NRG1: variants seen among roughly 807,000 people sequenced by gnomAD.
The protein encoded by NRG1 is pro-neuregulin-1, membrane-bound isoform.
NRG1 carries 18 observed loss-of-function variants against 63.8 expected under a neutral mutation model. That is an observed-to-expected ratio of 0.28 (90% CI 0.19 to 0.42). NRG1 has a LOEUF of 0.42. NRG1 is among the 10% of genes least tolerant of loss of function. NRG1 has a pLI of 1.00. For synonymous variants in NRG1, 302 were observed against 301.3 expected (o/e 1.00, Z -0.02); for missense variants, 762 against 814.7 (o/e 0.94, Z 0.79).
intron 1 of NRG1, among the ~76,000 whole-genome samples, chr8:31,723,484 T>C (rs1226722252): frequency 1.3e-5 from 2 of 152,136 alleles, no homozygotes; most frequent in Non-Finnish European, 2.9e-5. Flanking sequence ...AGTCTTATTA[T>C]GTTGTCCAGG....
At chr8:32,419,980 C>G (rs1410644832) in intron 1 of NRG1, among the ~76,000 whole-genome samples, 1 of 152,174 alleles carries the variant, frequency 6.6e-6, no homozygotes, top group Non-Finnish European at 1.5e-5. Flanking sequence ...AAAAACACAG[C>G]CGGGATGGCT....
At chr8:32,178,282 T>G (rs10097619) in intron 1 of NRG1, among the ~76,000 whole-genome samples, 5,581 of 152,148 alleles carry the variant, frequency 0.037, 187 homozygotes, top group African/African-American at 0.085. Context: ...ATTCTGAAGG[T>G]CAAGGACAAC....
chr8:32,417,247 A>T (rs1304544208), intron 1 of NRG1, among the ~76,000 whole-genome samples: 3 of 152,176 alleles, frequency 2.0e-5, no homozygotes, highest in Non-Finnish European at 2.9e-5. Flanking sequence ...ACTAGTATCA[A>T]CTGCCATACA....
In NRG1 at chr8:31,709,089, G is replaced by A. The variant is rs1811467905; in HGVS notation, c.37+69658G>A. On this transcript the variant is annotated intron_variant, in intron 1 of 10. Transcript: ENST00000519301. ...TATGTATATTTATTTTTTAAAATCT[G>A]CATAAAAGTGGATTTTTGGAGTTCA... is the stretch of plus-strand genomic sequence containing the variant. Among the ~76,000 whole-genome samples the A allele has an allele frequency of 2.0e-5, 3 of 151,290 alleles. No individual in the cohort carries two copies. The South Asian group carries it at 6.3e-4, about 32-fold the overall frequency.
chr8:31,873,303 G>GT (rs1291262052), intron 1 of NRG1, among the ~76,000 whole-genome samples: 3 of 152,184 alleles, frequency 2.0e-5, no homozygotes, highest in African/African-American at 4.8e-5. Context: ...GCTCATGCCT[G>GT]TAATTGTAGC....
At chr8:31,946,424 G>T (rs1429169157) in intron 1 of NRG1, among the ~76,000 whole-genome samples, 1 of 152,162 alleles carries the variant, frequency 6.6e-6, no homozygotes, top group African/African-American at 2.4e-5. Flanking sequence ...CCTGCAAGGC[G>T]CTAACAGTGA....
intron 1 of NRG1, among the ~76,000 whole-genome samples, chr8:31,731,502 A>G (rs192606326): frequency 2.0e-5 from 3 of 152,218 alleles, no homozygotes; most frequent in African/African-American, 7.2e-5. Flanking sequence ...ATGGAGAGAT[A>G]TAAGTATACA....
At chr8:32,089,662 T>C (rs530421485) in intron 1 of NRG1, among the ~76,000 whole-genome samples, 2 of 152,244 alleles carry the variant, frequency 1.3e-5, no homozygotes, top group Admixed American at 6.5e-5. Context: ...TGCAATGATA[T>C]AGAAGGAAGA....
chr8:31,884,733 G>A (rs1273349349), intron 1 of NRG1, among the ~76,000 whole-genome samples: 1 of 152,108 alleles, frequency 6.6e-6, no homozygotes, highest in Non-Finnish European at 1.5e-5. Flanking sequence ...CTTATGGAAT[G>A]TATGGATCAA....
intron 1 of NRG1, among the ~76,000 whole-genome samples, chr8:31,972,394 T>C (rs1807441219): frequency 6.6e-6 from 1 of 152,192 alleles, no homozygotes; most frequent in South Asian, 2.1e-4. Context: ...TTTATCTCCA[T>C]ATGTCGACAG....
intron 1 of NRG1, among the ~76,000 whole-genome samples, chr8:32,432,414 G>T (rs1161022265): frequency 3.9e-5 from 6 of 152,078 alleles, no homozygotes; most frequent in African/African-American, 1.4e-4. Context: ...TAAAAAATTT[G>T]CCCAAGACCA....
At chr8:32,033,700 C>T (rs188595638) in intron 1 of NRG1, among the ~76,000 whole-genome samples, 58 of 152,126 alleles carry the variant, frequency 3.8e-4, no homozygotes, top group African/African-American at 9.6e-4. Context: ...ATTTTATTAT[C>T]TTTATAGCAA....
chr8:31,922,478 G>A (rs79141878), intron 1 of NRG1, among the ~76,000 whole-genome samples: 214 of 152,076 alleles, frequency 1.4e-3, no homozygotes, highest in African/African-American at 4.8e-3. Flanking sequence ...CCTTTATCTC[G>A]CCATTAGCAG....
intron 1 of NRG1, among the ~76,000 whole-genome samples, chr8:31,837,109 T>C (rs190898006): frequency 4.6e-5 from 7 of 152,168 alleles, no homozygotes; most frequent in African/African-American, 1.7e-4. Context: ...TTTCCATCAG[T>C]TTTTAAAATT....
At chr8:32,708,807 C>T (rs557034061) in intron 5 of NRG1, among the ~76,000 whole-genome samples, 1 of 152,052 alleles carries the variant, frequency 6.6e-6, no homozygotes, top group African/African-American at 2.4e-5. Context: ...CATGAGGGTT[C>T]CTGCTCTATT....
At chr8:32,146,900 A>G (rs1282202176) in intron 1 of NRG1, among the ~76,000 whole-genome samples, 1 of 152,214 alleles carries the variant, frequency 6.6e-6, no homozygotes, top group African/African-American at 2.4e-5. Flanking sequence ...GTAAAACACC[A>G]TAAAGAAAAG....
At chr8:32,591,887 G>A (rs557669801) in intron 1 of NRG1, among the ~76,000 whole-genome samples, 1 of 151,930 alleles carries the variant, frequency 6.6e-6, no homozygotes, top group East Asian at 1.9e-4. Flanking sequence ...GCAAACCCCT[G>A]CAACACTCAA....
intron 1 of NRG1, among the ~76,000 whole-genome samples, chr8:31,739,584 C>T (rs1815057384): frequency 6.6e-6 from 1 of 151,956 alleles, no homozygotes; most frequent in Non-Finnish European, 1.5e-5. Context: ...TGTGCTAAAA[C>T]ATTGTTGTGG....
At chr8:31,678,033 A>T (rs1305369544) in intron 1 of NRG1, among the ~76,000 whole-genome samples, 1 of 89,426 alleles carries the variant, frequency 1.1e-5, no homozygotes, top group Non-Finnish European at 2.8e-5. Context: ...ATGATAAATT[A>T]AAAAAAAAAA....
Sources: gnomAD v4.1 joint callset for allele counts (sites outside exome capture counted in the v4.1 genomes callset) on GRCh38, gnomAD v4.1.1 for gene constraint, MANE v1.5 for transcripts, NCBI Gene and HGNC (gene_info 2026-07-23, HGNC 2026-07-21) for gene names.